ALCAM: variants seen among roughly 807,000 people sequenced by gnomAD.
The protein encoded by ALCAM is CD166 antigen.
ALCAM carries 30 observed loss-of-function variants against 70.9 expected under a neutral mutation model. The ratio of observed to expected loss-of-function variants is 0.42; its 90% CI spans 0.32 to 0.57. The LOEUF (loss-of-function observed/expected upper bound fraction) is 0.57. ALCAM is among the 20% of genes least tolerant of loss of function. The probability of loss-of-function intolerance (pLI) is 0.11; values close to 1 mark genes in which losing one functional copy is unlikely to be tolerated. For missense variants in ALCAM, 591 were observed against 695.1 expected (o/e 0.85, Z 1.68); for synonymous variants, 249 against 242.5 (o/e 1.03, Z -0.25).
chr3:105,574,093 G>T (rs964152386), intron 15 of ALCAM, among the ~76,000 whole-genome samples: 3 of 151,910 alleles, frequency 2.0e-5, no homozygotes, highest in African/African-American at 7.3e-5. Context: ...TGTAAACATA[G>T]ATTTTAACTA....
intron 1 of ALCAM, among the ~76,000 whole-genome samples, chr3:105,476,857 T>C (rs545086926): frequency 2.6e-5 from 4 of 152,166 alleles, no homozygotes; most frequent in African/African-American, 9.6e-5. Context: ...TCAACTCCAG[T>C]TGTATCTCCC....
intron 1 of ALCAM, among the ~76,000 whole-genome samples, chr3:105,479,838 AT>A (rs1938221134): frequency 6.6e-6 from 1 of 152,156 alleles, no homozygotes; most frequent in Non-Finnish European, 1.5e-5. Flanking sequence ...TTAAAATCCA[AT>A]TACACATACT....
intron 8 of ALCAM, among the ~76,000 whole-genome samples, chr3:105,543,162 G>A (rs138470677): frequency 2.0e-5 from 3 of 151,608 alleles, no homozygotes; most frequent in Non-Finnish European, 4.4e-5. Flanking sequence ...AAAGAAAAGG[G>A]CTCTTATTTA....
chr3:105,405,352 A>T (rs1459480161), intron 1 of ALCAM, among the ~76,000 whole-genome samples: 5 of 151,724 alleles, frequency 3.3e-5, no homozygotes, highest in Non-Finnish European at 7.4e-5. Flanking sequence ...ACCAACAGGA[A>T]AATACCCCAA....
intron 1 of ALCAM, among the ~76,000 whole-genome samples, chr3:105,385,799 G>T (rs1294705209): frequency 6.6e-6 from 1 of 151,578 alleles, no homozygotes; most frequent in African/African-American, 2.4e-5. Context: ...TAATTCTATA[G>T]TGAAACTAAA....
intron 1 of ALCAM, among the ~76,000 whole-genome samples, chr3:105,499,513 A>G (rs1011339343): frequency 6.6e-6 from 1 of 152,216 alleles, no homozygotes; most frequent in Non-Finnish European, 1.5e-5. Flanking sequence ...CCAGTCATGT[A>G]CAGAAGAGTC....
In ALCAM at chr3:105,538,376, G is replaced by A. The variant is rs73175415; in HGVS notation, c.731-1599G>A. On this transcript the variant is annotated intron_variant, in intron 6 of 15. Transcript: ENST00000306107. ...TGGGCAAAATGATGATTTACTAGTG[G>A]GCAGAGTAAAATTCAAAGTCAGGGG... Among the ~76,000 whole-genome samples the A allele has an allele frequency of 1.5e-3, 226 of 152,152 alleles. 1 individual carries two copies. Among genetic ancestry groups the A allele is most frequent in the Non-Finnish European group, 2.4e-3 (165 of 67,970 alleles).
intron 8 of ALCAM, among the ~76,000 whole-genome samples, chr3:105,542,635 G>A (rs974804384): frequency 6.6e-6 from 1 of 151,804 alleles, no homozygotes; most frequent in Non-Finnish European, 1.5e-5. Flanking sequence ...ATCCCACTGA[G>A]TATAAAGAGA....
intron 1 of ALCAM, among the ~76,000 whole-genome samples, chr3:105,393,861 C>A (rs941136310): frequency 4.0e-4 from 60 of 151,726 alleles, no homozygotes; most frequent in African/African-American, 1.4e-3. Flanking sequence ...ACAAAAAGCC[C>A]TATTATTTAT....
chr3:105,511,777 A>G (rs56180821), intron 1 of ALCAM, among the ~76,000 whole-genome samples: 21,956 of 152,006 alleles, frequency 0.14, 2,116 homozygotes, highest in East Asian at 0.4. Context: ...TGATATAAAC[A>G]TTTTTCAGTA....
intron 14 of ALCAM, among the ~76,000 whole-genome samples, chr3:105,568,227 T>C (rs1349857059): frequency 6.6e-6 from 1 of 151,966 alleles, no homozygotes; most frequent in Non-Finnish European, 1.5e-5. Context: ...CATGCCCAGC[T>C]AATTTTTGTA....
Position 105,550,810 on chromosome 3 carries a change from G to A in ALCAM, c.1507+551G>A, listed in dbSNP as rs560125271. Among the ~76,000 whole-genome samples the A allele has an allele frequency of 2.8e-4, 43 of 151,586 alleles. No individual in the cohort carries two copies. The South Asian group carries it at 8.5e-3, about 30-fold the overall frequency. On this transcript the variant is annotated intron_variant, in intron 12 of 15. Coordinates refer to ENST00000306107, the MANE Select transcript of ALCAM (RefSeq NM_001627.4). ...TTTGTCATATCATATTTAAACTATA[G>A]CCGAAAATCAGATAAGTGAAACTAT... is the stretch of plus-strand genomic sequence containing the variant.
At chr3:105,404,509 C>T (rs961770896) in intron 1 of ALCAM, among the ~76,000 whole-genome samples, 2 of 152,092 alleles carry the variant, frequency 1.3e-5, no homozygotes, top group Non-Finnish European at 2.9e-5. Context: ...AGGAAAGATA[C>T]AGTTGTTTCC....
chr3:105,570,747 A>G (rs1312449371), intron 14 of ALCAM, among the ~76,000 whole-genome samples: 1 of 152,218 alleles, frequency 6.6e-6, no homozygotes, highest in Non-Finnish European at 1.5e-5. Flanking sequence ...AATGTCACAA[A>G]CTTAAGGTTG....
At chr3:105,497,365 C>T (rs1452862845) in intron 1 of ALCAM, among the ~76,000 whole-genome samples, 1 of 152,200 alleles carries the variant, frequency 6.6e-6, no homozygotes, top group Non-Finnish European at 1.5e-5. Context: ...TTGGCCAACA[C>T]TACAATTCAC....
intron 1 of ALCAM, among the ~76,000 whole-genome samples, chr3:105,478,334 A>C (rs1938176622): frequency 6.6e-6 from 1 of 152,060 alleles, no homozygotes; most frequent in African/African-American, 2.4e-5. Flanking sequence ...ATATGATTTG[A>C]GGTTCAGACA....
intron 1 of ALCAM, among the ~76,000 whole-genome samples, chr3:105,498,232 T>C (rs1938814670): frequency 6.6e-6 from 1 of 152,180 alleles, no homozygotes; most frequent in Non-Finnish European, 1.5e-5. Context: ...GTGTCAGGGT[T>C]CAAAACCAGG....
At chr3:105,447,976 T>C (rs1260901505) in intron 1 of ALCAM, among the ~76,000 whole-genome samples, 1 of 152,216 alleles carries the variant, frequency 6.6e-6, no homozygotes, top group Non-Finnish European at 1.5e-5. Flanking sequence ...ATTGTTTTCA[T>C]ATAGATCTCT....
At chr3:105,531,440 C>A (rs1939837267) in intron 3 of ALCAM, 2 of 152,082 alleles carry the variant, frequency 1.3e-5, no homozygotes, top group Non-Finnish European at 1.5e-5. Flanking sequence ...CTTTCTATTT[C>A]CCATGATTTT....
Sources: gnomAD v4.1 joint callset for allele counts (sites outside exome capture counted in the v4.1 genomes callset) on GRCh38, gnomAD v4.1.1 for gene constraint, MANE v1.5 for transcripts, NCBI Gene and HGNC (gene_info 2026-07-23, HGNC 2026-07-21) for gene names.